The following PTPRJ variants were observed in gnomAD, a reference collection of about 807,000 sequenced individuals.
PTPRJ encodes the protein protein tyrosine phosphatase receptor type J, also known as receptor-type tyrosine-protein phosphatase eta.
Under a neutral mutation model 141.3 loss-of-function variants are expected in PTPRJ, and 129 were observed. That is an observed-to-expected ratio of 0.91 (90% CI 0.79 to 1.06). The LOEUF (loss-of-function observed/expected upper bound fraction) is 1.06. PTPRJ is among the 50% of genes least tolerant of loss of function. The pLI, the probability that PTPRJ is intolerant of heterozygous loss-of-function variation, is 0.00. For synonymous variants in PTPRJ, 610 were observed against 640.5 expected (o/e 0.95, Z 0.72); for missense variants, 1,601 against 1,679.7 (o/e 0.95, Z 0.82).
chr11:48,159,939 G>A lies in PTPRJ; in HGVS notation c.3448G>A (p.Glu1150Lys), dbSNP rs1021261268. Residue 1150 changes from glutamate to lysine, a missense_variant, in exon 22 of 25, where the codon GAG becomes AAG. Coordinates refer to ENST00000418331, the MANE Select transcript of PTPRJ (RefSeq NM_002843.4). ...KCVEQGRTKC[E>K]EYWPSKQAQD... Reference sequence around the variant, plus strand: ...TGCAATTTTGTTCTAGACCAAATGTGAGGAGTATTGGCCCTCCAAGCAGGC... The same window carrying A: ...TGCAATTTTGTTCTAGACCAAATGTAAGGAGTATTGGCCCTCCAAGCAGGC... The A allele has an allele frequency of 4.3e-6, 7 of 1,613,800 alleles. No homozygotes were observed. Among genetic ancestry groups the A allele is most frequent in the Non-Finnish European group, 5.1e-6 (6 of 1,179,914 alleles).
intron 1 of PTPRJ, among the ~76,000 whole-genome samples, chr11:47,997,573 G>T (rs1467198316): frequency 6.6e-6 from 1 of 152,126 alleles, no homozygotes; most frequent in Non-Finnish European, 1.5e-5. Flanking sequence ...TTCAGCCTCG[G>T]CTTCCTCCTC....
chr11:48,130,749 T>C (rs1856957207), intron 8 of PTPRJ, 33 bp downstream of exon 8: 9 of 1,545,636 alleles, frequency 5.8e-6, no homozygotes, highest in Admixed American at 1.9e-5. Context: ...TAAACCATCA[T>C]GTTTCTTAAA....
chr11:48,160,983 C>T (rs909195212), intron 22 of PTPRJ, among the ~76,000 whole-genome samples: 5 of 151,790 alleles, frequency 3.3e-5, no homozygotes, highest in African/African-American at 1.2e-4. Context: ...GGGCAACATG[C>T]TGAAACTCCA....
chr11:48,011,278 A>G (rs1219742481), intron 1 of PTPRJ, among the ~76,000 whole-genome samples: 1 of 152,134 alleles, frequency 6.6e-6, no homozygotes, highest in Non-Finnish European at 1.5e-5. Context: ...CTGTGCAGCA[A>G]TAATGTATGT....
chr11:48,084,431 G>A (rs1000088909), intron 1 of PTPRJ, among the ~76,000 whole-genome samples: 9 of 152,100 alleles, frequency 5.9e-5, no homozygotes, highest in Non-Finnish European at 1.0e-4. Flanking sequence ...TGATCTACCC[G>A]CCTCAGCCTC....
chr11:48,127,856 T>C lies in PTPRJ; in HGVS notation c.1170T>C (p.Asp390=). 1 of 1,614,194 alleles carries C rather than the reference T, an allele frequency of 6.2e-7. No individual in the cohort carries two copies. The highest frequency in any genetic ancestry group is 1.1e-5 in the South Asian group (1 of 91,084). The change falls in exon 7 of 25, where the codon GAT becomes GAC. Residue 390 remains aspartate, a synonymous_variant. Transcript: ENST00000418331. The stretch of plus-strand genomic sequence containing the variant: ...TGACCCTGATCTGGAAAGTCAGCGA[T>C]AACGAGTCGTCATCTAACTATACCT... The part of the protein sequence containing the change: ...TSLTLIWKVS[D]NESSSNYTYK...
intron 22 of PTPRJ, among the ~76,000 whole-genome samples, chr11:48,160,370 G>A (rs1461528168): frequency 6.6e-6 from 1 of 152,152 alleles, no homozygotes; most frequent in Admixed American, 6.5e-5. Flanking sequence ...AGAACAAACT[G>A]TAGCCTTTTG....
At position 48,159,966 on chromosome 11, in the gene PTPRJ, C is replaced by T; in HGVS notation, c.3475C>T (p.Gln1159Ter). The T allele has an allele frequency of 1.9e-6, 3 of 1,613,940 alleles. No homozygotes were observed. Among genetic ancestry groups the T allele is most frequent in the Non-Finnish European group, 2.5e-6 (3 of 1,179,884 alleles). The stretch of plus-strand genomic sequence containing the variant: ...GGAGTATTGGCCCTCCAAGCAGGCT[C>T]AGGACTATGGAGACATAACTGTGGC... ...CEEYWPSKQA[Q>*]DYGDITVAMT... Residue 1159 changes from glutamine (Q) to a stop codon, truncating the protein, a stop_gained, in exon 22 of 25, where the codon CAG (glutamine) becomes TAG (stop). Transcript: ENST00000418331. LOFTEE classifies it high-confidence loss of function.
chr11:48,002,111 C>A (rs1176065926), intron 1 of PTPRJ, among the ~76,000 whole-genome samples: 6 of 150,684 alleles, frequency 4.0e-5, no homozygotes, highest in Non-Finnish European at 5.9e-5. Flanking sequence ...TTTAAATGGG[C>A]AAATGAGTGC....
chr11:48,136,120 C>T lies in PTPRJ; in HGVS notation c.1697C>T (p.Ala566Val). The T allele has an allele frequency of 6.2e-7, 1 of 1,614,214 alleles. No homozygotes were observed. The highest frequency in any genetic ancestry group is 1.1e-5 in the South Asian group (1 of 91,084). The change falls in exon 9 of 25, where the codon GCT becomes GTT. Residue 566 changes from alanine to valine, a missense_variant. By Grantham distance (64) the Ala-to-Val change is moderately conservative. Transcript: ENST00000418331. ...CTGGACTGGAAGAGCCCTGACGGTG[C>T]TTCCGAGTATGTCTACCATTTAGTC... is the stretch of plus-strand genomic sequence containing the variant. ...MWLDWKSPDG[A>V]SEYVYHLVIE...
chr11:48,103,417 C>T (rs77075780), intron 1 of PTPRJ, among the ~76,000 whole-genome samples: 289 of 152,230 alleles, frequency 1.9e-3, no homozygotes, highest in African/African-American at 6.8e-3. Flanking sequence ...TATGATTGTG[C>T]CATTGTACTC....
chr11:48,008,252 CA>C (rs1854677059), intron 1 of PTPRJ, among the ~76,000 whole-genome samples: 1 of 152,092 alleles, frequency 6.6e-6, no homozygotes, highest in Non-Finnish European at 1.5e-5. Context: ...CACCTTTCAC[CA>C]CAATTTATTT....
intron 1 of PTPRJ, among the ~76,000 whole-genome samples, chr11:48,105,338 G>A (rs530384457): frequency 1.4e-4 from 22 of 152,256 alleles, no homozygotes; most frequent in African/African-American, 5.3e-4. Flanking sequence ...GGGGCCTGGG[G>A]CCCTGCAGGG....
intron 1 of PTPRJ, among the ~76,000 whole-genome samples, chr11:48,038,250 T>C (rs1425154677): frequency 2.0e-5 from 3 of 152,138 alleles, no homozygotes; most frequent in Non-Finnish European, 4.4e-5. Flanking sequence ...TGAACAAGTG[T>C]TCATGGCGTA....
Position 48,110,087 on chromosome 11 carries a change from T to A in PTPRJ, c.115+11T>A. 1 of 1,611,860 alleles carries A rather than the reference T, an allele frequency of 6.2e-7. No individual in the cohort carries two copies. The highest frequency in any genetic ancestry group is 8.5e-7 in the Non-Finnish European group (1 of 1,178,056). On this transcript the variant is annotated intron_variant, in intron 2 of 24. Transcript: ENST00000418331. ...TGTGCGCAGGTGGCAGTGAGTACCC[T>A]TTTCCTCTCTATTCTTGTGTTGTTC...
intron 1 of PTPRJ, among the ~76,000 whole-genome samples, chr11:47,987,042 C>A (rs1293917212): frequency 6.6e-6 from 1 of 151,858 alleles, no homozygotes; most frequent in African/African-American, 2.4e-5. Context: ...AAAGTGAGAC[C>A]TTGTCTATAC....
chr11:48,038,568 T>G (rs1854187205), intron 1 of PTPRJ, among the ~76,000 whole-genome samples: 1 of 151,972 alleles, frequency 6.6e-6, no homozygotes, highest in African/African-American at 2.4e-5. Context: ...CTCAGCTCAC[T>G]GCAACCTCCG....
rs1052189315 is a variant in PTPRJ, at chr11:48,124,964, A to G, written c.875-4A>G. On this transcript the variant is annotated splice_polypyrimidine_tract_variant and splice_region_variant and intron_variant, in intron 5 of 24. Coordinates refer to ENST00000418331, the MANE Select transcript of PTPRJ (RefSeq NM_002843.4). ...TGTCTTTTTGTCTCCTGTGCTTGAA[A>G]CAGATGCCAGCAATACAGAGAGAAG... is the stretch of plus-strand genomic sequence containing the variant. The G allele has an allele frequency of 6.2e-7, 1 of 1,613,456 alleles. No homozygotes were observed. Among genetic ancestry groups the G allele is most frequent in the Non-Finnish European group, 8.5e-7 (1 of 1,179,850 alleles).
intron 1 of PTPRJ, among the ~76,000 whole-genome samples, chr11:48,104,567 T>C (rs949380906): frequency 6.6e-6 from 1 of 152,240 alleles, no homozygotes; most frequent in Non-Finnish European, 1.5e-5. Flanking sequence ...CAGTCACTTA[T>C]TACCCATCCT....
Sources: gnomAD v4.1 joint callset for allele counts (sites outside exome capture counted in the v4.1 genomes callset) on GRCh38, gnomAD v4.1.1 for gene constraint, MANE v1.5 for transcripts, NCBI Gene and HGNC (gene_info 2026-07-23, HGNC 2026-07-21) for gene names.